The following OR56A3 variants were observed in gnomAD, a reference collection of about 807,000 sequenced individuals.
The protein encoded by OR56A3 is olfactory receptor 56A3.
In OR56A3, 23 loss-of-function variants were observed where a neutral mutation model predicts 17.5. The observed-to-expected ratio is 1.32, with a 90% CI of 0.95 to 1.87. The LOEUF (loss-of-function observed/expected upper bound fraction) is 1.87. Among genes scored for constraint, OR56A3 ranks in the 40% most tolerant of loss-of-function variants. The probability of loss-of-function intolerance (pLI) is 0.00; values close to 1 mark genes in which losing one functional copy is unlikely to be tolerated. For synonymous variants in OR56A3, 175 were observed against 150.6 expected (o/e 1.16, Z -1.19); for missense variants, 366 against 380.1 (o/e 0.96, Z 0.31).
At chr11:5,969,046 G>A in the OR56A3 span, among the ~76,000 whole-genome samples, 1 of 151,990 alleles carries the variant, frequency 6.6e-6, no homozygotes, top group Non-Finnish European at 1.5e-5. Flanking sequence ...ACAAACCTGA[G>A]GAAAATAAAA....
At chr11:6,001,923 G>T in the OR56A3 span, 1 of 898,940 alleles carries the variant, frequency 1.1e-6, no homozygotes, top group Non-Finnish European at 1.6e-6. Flanking sequence ...GAGATATTGA[G>T]AACAGAAGAA....
chr11:5,965,408 C>A, the OR56A3 span, among the ~76,000 whole-genome samples: 1 of 152,140 alleles, frequency 6.6e-6, no homozygotes, highest in Non-Finnish European at 1.5e-5. Context: ...AATCAGTATG[C>A]CTGGAACATA....
chr11:6,002,699 T>A, the OR56A3 span: 29 of 1,614,008 alleles, frequency 1.8e-5, no homozygotes, highest in Admixed American at 1.7e-5. Context: ...GGAAGCAGGC[T>A]GGGAAGCTGA....
the OR56A3 span, among the ~76,000 whole-genome samples, chr11:5,980,658 GGGGTTTTTACCCCA>G: frequency 6.6e-6 from 1 of 152,030 alleles, no homozygotes; most frequent in Admixed American, 6.5e-5. Context: ...CATTTTAAGT[GGGGTTTTTACCCCA>G]TTTATTCTCA....
the OR56A3 span, among the ~76,000 whole-genome samples, chr11:5,990,343 C>T: frequency 2.7e-4 from 41 of 152,288 alleles, no homozygotes; most frequent in Admixed American, 2.2e-3. Context: ...CAAACAGTGG[C>T]GTGTCTTTTG....
At chr11:5,971,251 A>G in the OR56A3 span, among the ~76,000 whole-genome samples, 1 of 152,230 alleles carries the variant, frequency 6.6e-6, no homozygotes, top group Non-Finnish European at 1.5e-5. Flanking sequence ...TATTTCCTCC[A>G]AATGAAGAGA....
the OR56A3 span, among the ~76,000 whole-genome samples, chr11:5,956,654 C>T: frequency 5.3e-5 from 8 of 152,214 alleles, no homozygotes; most frequent in Admixed American, 2.0e-4. Flanking sequence ...CAACTTCTCA[C>T]TGCTTTATGC....
At chr11:6,005,524 T>C in the OR56A3 span, among the ~76,000 whole-genome samples, 1 of 152,160 alleles carries the variant, frequency 6.6e-6, no homozygotes, top group Non-Finnish European at 1.5e-5. Flanking sequence ...TTGTAGGAAA[T>C]CACAGAATAT....
the OR56A3 span, chr11:5,968,158 T>G: frequency 6.2e-7 from 1 of 1,614,198 alleles, no homozygotes; most frequent in Non-Finnish European, 8.5e-7. Flanking sequence ...CAGGACTCCA[T>G]AGTCAGAAAA....
At chr11:5,976,243 G>C in the OR56A3 span, among the ~76,000 whole-genome samples, 8 of 150,894 alleles carry the variant, frequency 5.3e-5, no homozygotes, top group African/African-American at 1.7e-4. Context: ...AGAAGAAAAA[G>C]GAAAAGAAAA....
chr11:5,957,654 A>G, the OR56A3 span, among the ~76,000 whole-genome samples: 1 of 152,252 alleles, frequency 6.6e-6, no homozygotes, highest in Admixed American at 6.5e-5. Flanking sequence ...AAACTTACTC[A>G]GGCTACCACT....
chr11:5,979,136 A>G, the OR56A3 span, among the ~76,000 whole-genome samples: 613 of 117,380 alleles, frequency 5.2e-3, 3 homozygotes, highest in African/African-American at 0.018. Flanking sequence ...TTTTTTTTTT[A>G]GGATTTTTGC....
At chr11:5,993,412 T>C in the OR56A3 span, among the ~76,000 whole-genome samples, 2 of 152,330 alleles carry the variant, frequency 1.3e-5, no homozygotes, top group South Asian at 2.1e-4. Flanking sequence ...ATACTCTTTC[T>C]TTAACACTCT....
the OR56A3 span, chr11:5,994,694 G>A: frequency 3.2e-5 from 27 of 831,564 alleles, no homozygotes; most frequent in Non-Finnish European, 4.8e-5. Flanking sequence ...AGCAAGACGG[G>A]CATTGTCGAT....
intron 2 of OR56A3, among the ~76,000 whole-genome samples, 193 bp downstream of exon 2, chr11:5,945,275 G>A (rs1446766363): frequency 6.6e-6 from 1 of 152,058 alleles, no homozygotes; most frequent in Non-Finnish European, 1.5e-5. Flanking sequence ...ACGTATAATA[G>A]AGTTATTTAT....
chr11:6,018,824 A>G, the OR56A3 span, among the ~76,000 whole-genome samples: 1 of 152,018 alleles, frequency 6.6e-6, no homozygotes, highest in African/African-American at 2.4e-5. Context: ...TGCAAATAAA[A>G]TCAGAAACAA....
In OR56A3 at chr11:5,948,619, T is replaced by C. The variant is rs1267179238; in HGVS notation, c.*325T>C. 1 of 246,074 alleles carries C rather than the reference T, an allele frequency of 4.1e-6. No homozygotes were observed. The highest frequency in any genetic ancestry group is 7.9e-6 in the Non-Finnish European group (1 of 126,978). The allele number at this position is 246,074 out of a possible 1,614,324, so 15.2% of individuals were successfully genotyped here. A position where few individuals can be genotyped will look rare whatever the true frequency, so the allele number is the denominator to read the frequency against. On this transcript the variant is annotated 3_prime_UTR_variant, in exon 3 of 3. Transcript: ENST00000641160. ...TCAATATGTCATGAATTTTGTATCA[T>C]TAAAAATACAACTGCGGTTATTTTG... is the stretch of plus-strand genomic sequence containing the variant.
chr11:5,994,407 T>C, the OR56A3 span: 10 of 726,042 alleles, frequency 1.4e-5, no homozygotes, highest in South Asian at 1.4e-4. Flanking sequence ...GTCGTATTGT[T>C]CCTGATGTCT....
chr11:5,994,917 C>T, the OR56A3 span: 1 of 754,342 alleles, frequency 1.3e-6, no homozygotes, highest in Non-Finnish European at 2.4e-6. Flanking sequence ...TGCATGGTCT[C>T]CTTCTCATTC....
Sources: allele counts gnomAD v4.1 joint callset (sites outside exome capture counted in the v4.1 genomes callset), GRCh38; gene constraint gnomAD v4.1.1; transcripts MANE v1.5; gene names NCBI Gene and HGNC (gene_info 2026-07-23, HGNC 2026-07-21).